AGBL1: variants seen among roughly 807,000 people sequenced by gnomAD.
The protein encoded by AGBL1 is cytosolic carboxypeptidase 4.
AGBL1 carries 130 observed loss-of-function variants against 118.9 expected under a neutral mutation model. The ratio of observed to expected loss-of-function variants is 1.09; its 90% CI spans 0.95 to 1.26. The LOEUF is 1.26. AGBL1 is among the 50% of genes most tolerant of loss of function. AGBL1 has a pLI of 0.00. For missense variants in AGBL1, 1,584 were observed against 1,298.1 expected (o/e 1.22, Z -3.38); for synonymous variants, 555 against 478.9 (o/e 1.16, Z -2.08).
chr15:86,131,947 CG>C (rs1264155532), intron 1 of AGBL1, among the ~76,000 whole-genome samples: 2 of 123,312 alleles, frequency 1.6e-5, no homozygotes, highest in Admixed American at 8.1e-5. Flanking sequence ...GACCATGTCT[CG>C]AAAAAAAAAA....
chr15:86,936,999 A>C (rs1414061989), intron 23 of AGBL1, among the ~76,000 whole-genome samples: 1 of 152,254 alleles, frequency 6.6e-6, no homozygotes, highest in Non-Finnish European at 1.5e-5. Flanking sequence ...AAAGGACATG[A>C]ACAGCCACCT....
intron 22 of AGBL1, among the ~76,000 whole-genome samples, chr15:86,708,620 T>C (rs139920686): frequency 6.6e-6 from 1 of 152,262 alleles, no homozygotes; most frequent in East Asian, 1.9e-4. Flanking sequence ...CAAAAAATCT[T>C]TGCAAAAGCC....
chr15:86,183,153 C>T (rs1045238266), intron 5 of AGBL1, among the ~76,000 whole-genome samples: 4 of 152,108 alleles, frequency 2.6e-5, no homozygotes, highest in Admixed American at 1.3e-4. Context: ...TGCCTCTGTC[C>T]GATCTCTGGC....
intron 22 of AGBL1, among the ~76,000 whole-genome samples, chr15:86,763,190 C>T (rs11635918): frequency 9.2e-5 from 14 of 151,826 alleles, no homozygotes; most frequent in Non-Finnish European, 1.9e-4. Context: ...AACAATAATA[C>T]TATAGATATG....
intron 22 of AGBL1, among the ~76,000 whole-genome samples, chr15:86,767,618 G>T (rs1227151124): frequency 6.6e-6 from 1 of 151,836 alleles, no homozygotes; most frequent in Non-Finnish European, 1.5e-5. Context: ...TATCTCATTT[G>T]ACTTATTTCT....
At chr15:86,880,290 C>G (rs1352844180) in intron 22 of AGBL1, among the ~76,000 whole-genome samples, 2 of 152,176 alleles carry the variant, frequency 1.3e-5, no homozygotes, top group Non-Finnish European at 2.9e-5. Context: ...GACTCATAGC[C>G]TCAGAGTTGC....
At chr15:86,927,935 C>CATATAT (rs56307079) in intron 23 of AGBL1, among the ~76,000 whole-genome samples, 2,312 of 150,590 alleles carry the variant, frequency 0.015, 44 homozygotes, top group African/African-American at 0.044. Context: ...TTTATATATG[C>CATATAT]ATATATATAT....
At chr15:86,425,169 A>G (rs2081851465) in intron 18 of AGBL1, among the ~76,000 whole-genome samples, 1 of 152,244 alleles carries the variant, frequency 6.6e-6, no homozygotes, top group East Asian at 1.9e-4. Context: ...GGCTGGATAA[A>G]GAAAATGTGG....
intron 17 of AGBL1, among the ~76,000 whole-genome samples, chr15:86,359,684 C>A (rs1035501316): frequency 2.6e-5 from 4 of 151,590 alleles, no homozygotes; most frequent in African/African-American, 9.7e-5. Flanking sequence ...CAAGAAATGT[C>A]TTTCTATTAA....
chr15:86,366,804 T>TG (rs2080894081), intron 17 of AGBL1, among the ~76,000 whole-genome samples: 1 of 152,138 alleles, frequency 6.6e-6, no homozygotes, highest in Admixed American at 6.6e-5. Flanking sequence ...TATATGATCT[T>TG]GGGGGGAAAA....
At chr15:86,235,121 G>A (rs557849917) in intron 6 of AGBL1, among the ~76,000 whole-genome samples, 52 of 152,268 alleles carry the variant, frequency 3.4e-4, no homozygotes, top group African/African-American at 1.2e-3. Context: ...TCATGAAAAC[G>A]GGCTGTGGGC....
chr15:86,195,272 C>T (rs557127297), intron 5 of AGBL1, among the ~76,000 whole-genome samples: 2 of 152,068 alleles, frequency 1.3e-5, no homozygotes, highest in Admixed American at 6.5e-5. Context: ...TTGAAGGGTA[C>T]CTTGGTGAAG....
At chr15:86,668,468 T>C (rs1174985105) in intron 21 of AGBL1, among the ~76,000 whole-genome samples, 2 of 152,182 alleles carry the variant, frequency 1.3e-5, no homozygotes, top group Non-Finnish European at 2.9e-5. Context: ...AAACAAGAAA[T>C]TTCCCAGATT....
chr15:86,647,691 ACT>A lies in AGBL1; in HGVS notation c.2995-26579_2995-26578del, dbSNP rs564778946. Among the ~76,000 whole-genome samples, 80 of 152,306 alleles carry A rather than the reference ACT, an allele frequency of 5.3e-4. No homozygotes were observed. In the Middle Eastern group the frequency reaches 0.017, roughly 32 times the overall value. On this transcript the variant is annotated intron_variant, in intron 21 of 22. Coordinates refer to ENST00000614907, the MANE Select transcript of AGBL1 (RefSeq NM_001386094.1). ...ACTCCAGCCTGGGTGACAGAGCAAG[ACT>A]CTGTCTCAAAATACAAAAAGAAAAT...
At chr15:86,561,148 C>T (rs1230639487) in intron 21 of AGBL1, among the ~76,000 whole-genome samples, 1 of 152,144 alleles carries the variant, frequency 6.6e-6, no homozygotes, top group Non-Finnish European at 1.5e-5. Flanking sequence ...TAATTAGATC[C>T]CATTTGTCAA....
At chr15:86,453,825 T>A (rs1040844577) in intron 18 of AGBL1, among the ~76,000 whole-genome samples, 1 of 152,064 alleles carries the variant, frequency 6.6e-6, no homozygotes, top group Non-Finnish European at 1.5e-5. Flanking sequence ...GGAAAAAAAA[T>A]AGATTTTGTT....
In AGBL1 at chr15:86,633,922, A is replaced by T. The variant is rs182272912; in HGVS notation, c.2995-40351A>T. On this transcript the variant is annotated intron_variant, in intron 21 of 22. Transcript: ENST00000614907. ...GTATATATATATAACTTTATAAATAATCCACCACACATAAAGTGAGGTGAA... is the reference window on the plus strand; with the variant it reads ...GTATATATATATAACTTTATAAATATTCCACCACACATAAAGTGAGGTGAA... Among the ~76,000 whole-genome samples, 704 of 148,828 alleles carry T rather than the reference A, an allele frequency of 4.7e-3. 2 individuals carry two copies. Among genetic ancestry groups the T allele is most frequent in the Non-Finnish European group, 7.9e-3 (530 of 67,470 alleles).
chr15:86,375,855 T>C (rs1166490827), intron 17 of AGBL1, among the ~76,000 whole-genome samples: 1 of 152,156 alleles, frequency 6.6e-6, no homozygotes, highest in Non-Finnish European at 1.5e-5. Flanking sequence ...AAGAATGCCA[T>C]AAAGAAATGC....
intron 5 of AGBL1, among the ~76,000 whole-genome samples, chr15:86,209,584 T>C (rs1191952150): frequency 1.3e-5 from 2 of 152,220 alleles, no homozygotes; most frequent in Non-Finnish European, 2.9e-5. Flanking sequence ...TCTTTGTCTC[T>C]TTTGATCTTT....
Sources: allele counts gnomAD v4.1 joint callset (sites outside exome capture counted in the v4.1 genomes callset), GRCh38; gene constraint gnomAD v4.1.1; transcripts MANE v1.5; gene names NCBI Gene and HGNC (gene_info 2026-07-23, HGNC 2026-07-21).